Variants in KRT83 observed in about 807,000 individuals in gnomAD.
KRT83 encodes the protein keratin, type II cuticular Hb3.
Under a neutral mutation model 52.9 loss-of-function variants are expected in KRT83, and 51 were observed. The observed-to-expected ratio is 0.96, with a 90% CI of 0.77 to 1.22. KRT83 has a LOEUF of 1.22. Among genes scored for constraint, KRT83 ranks in the 50% most tolerant of loss-of-function variants. The pLI is 0.00. For synonymous variants in KRT83, 278 were observed against 274.1 expected (o/e 1.01, Z -0.14); for missense variants, 654 against 666.5 (o/e 0.98, Z 0.21).
In KRT83 at chr12:52,319,355, G is replaced by A. The variant is rs1938737090; in HGVS notation, c.394C>T (p.Leu132=). 1 of 1,614,016 alleles carries A rather than the reference G, an allele frequency of 6.2e-7. No homozygotes were observed. The highest frequency in any genetic ancestry group is 2.2e-5 in the East Asian group (1 of 44,886). The change falls in exon 2 of 9, where the codon CTG becomes TTG. Residue 132 remains leucine, a synonymous_variant. Transcript: ENST00000293670. ...FAAFIDKVRF[L]EQQNKLLETK... is the part of the protein sequence containing the mutation. ...TCCAGCAGCTTGTTCTGCTGCTCCA[G>A]GAAGCGCACCTGCCACCCAGAGGCA...
rs186532103 is a variant in KRT83, at chr12:52,314,587, G to A, written c.*44C>T. ...TCAGCTGGTGGTGGGGCAGTGGCAC[G>A]TCTGGCAGGCAGAAGGGGCTCCCCT... On this transcript the variant is annotated 3_prime_UTR_variant, in exon 9 of 9. Transcript: ENST00000293670. 6.3e-5 allele frequency: 97 copies of A among 1,528,384 alleles called. No homozygotes were observed. Among genetic ancestry groups the A allele is most frequent in the East Asian group, 2.2e-4 (9 of 40,934 alleles). 94.7% of individuals were successfully genotyped at this position (1,528,384 alleles called of 1,614,324 possible).
At chr12:52,317,620 G>C in intron 4 of KRT83, 61 bp downstream of exon 4, 8 of 1,564,330 alleles carry the variant, frequency 5.1e-6, no homozygotes, top group Non-Finnish European at 7.0e-6. Context: ...GTGGGTGTCT[G>C]GGCAGAGGGT....
chr12:52,320,968 G>A lies in KRT83; in HGVS notation c.368C>T (p.Ala123Val). 1.9e-6 allele frequency: 3 copies of A among 1,613,876 alleles called. No individual in the cohort carries two copies. The highest frequency in any genetic ancestry group is 1.7e-5 in the Admixed American group (1 of 60,030). Residue 123 changes from alanine to valine, a missense_variant, in exon 1 of 9, where the codon GCG (alanine) becomes GTG (valine). Ala to Val is a moderately conservative substitution (Grantham distance 64, BLOSUM62 0). Transcript: ENST00000293670. ...EQIKSLNSRF[A>V]AFIDKVRFLE... ...GACACCCACCTTGTCGATGAAGGCCGCGAATCTGCTGTTGAGGGACTTGAT... is the reference window on the plus strand; with the variant it reads ...GACACCCACCTTGTCGATGAAGGCCACGAATCTGCTGTTGAGGGACTTGAT...
chr12:52,321,146 AGGAGCC>A lies in KRT83; in HGVS notation c.184_189del (p.Gly62_Ser63del), dbSNP rs1196857480. The A allele has an allele frequency of 6.2e-7, 1 of 1,612,316 alleles. No homozygotes were observed. The highest frequency in any genetic ancestry group is 8.5e-7 in the Non-Finnish European group (1 of 1,179,764). On this transcript the variant is annotated inframe_deletion, in exon 1 of 9. Transcript: ENST00000293670. ...GAGCGGTAGCCGAAGCTGCGTCCGC[AGGAGCC>A]GGCGCGGAAGCCCCCGCACACGCTG...
At chr12:52,316,664 T>G in intron 5 of KRT83, 71 bp from the exon 6 acceptor site, 5 of 1,612,770 alleles carry the variant, frequency 3.1e-6, no homozygotes, top group South Asian at 1.1e-5. Flanking sequence ...CTCAGATGAT[T>G]GCACAGATTG....
chr12:52,314,432 G>T lies in KRT83; in HGVS notation c.*199C>A. 1.6e-6 allele frequency: 1 copy of T among 638,144 alleles called. No homozygotes were observed. Among genetic ancestry groups the T allele is most frequent in the Non-Finnish European group, 2.8e-6 (1 of 352,082 alleles). 39.5% of individuals were successfully genotyped at this position (638,144 alleles called of 1,614,324 possible). On this transcript the variant is annotated 3_prime_UTR_variant, in exon 9 of 9. Coordinates refer to ENST00000293670, the MANE Select transcript of KRT83 (RefSeq NM_002282.3). ...GGGCTGAAGGCTGAGACAGGGGAAG[G>T]AATGGGTCTATTCCCCAGCCACAGG...
In KRT83 at chr12:52,316,473, A is replaced by G; in HGVS notation, c.1036T>C (p.Cys346Arg). The stretch of plus-strand genomic sequence containing the variant: ...GGTGGGCCGGGCTCTGGTACCTGGC[A>G]CTTGGCATTCTCCACCTCGGCTGTC... ...RLTAEVENAKCQNSKLEAAVA... is the reference protein window; with the variant it reads ...RLTAEVENAKRQNSKLEAAVA... Residue 346 changes from cysteine to arginine, a missense_variant, in exon 6 of 9, where the codon TGC becomes CGC. Coordinates refer to ENST00000293670, the MANE Select transcript of KRT83 (RefSeq NM_002282.3). 1 of 1,614,078 alleles carries G rather than the reference A, an allele frequency of 6.2e-7. No homozygotes were observed. The highest frequency in any genetic ancestry group is 1.1e-5 in the South Asian group (1 of 91,070).
rs766108026 is a variant in KRT83 at position 52,321,257 on chromosome 12, G to GC, written c.78dup (p.Pro27AlafsTer129). On this transcript the variant is annotated frameshift_variant, in exon 1 of 9. Coordinates refer to ENST00000293670, the MANE Select transcript of KRT83 (RefSeq NM_002282.3). LOFTEE classifies it high-confidence loss of function. Reference sequence around the variant, plus strand: ...GCGGCGGTGATGCAGCAGCGGCTTGGCCGGGGCCCGCAGGCAGAGACACAG... The same window carrying GC: ...GCGGCGGTGATGCAGCAGCGGCTTGGCCCGGGGCCCGCAGGCAGAGACACAG... 88 of 1,613,412 alleles carry GC rather than the reference G, an allele frequency of 5.5e-5. 1 individual carries two copies. The South Asian group carries it at 6.4e-4, about 12-fold the overall frequency.
At chr12:52,317,117 C>T in intron 4 of KRT83, 94 bp from the exon 5 acceptor site, 1 of 1,511,792 alleles carries the variant, frequency 6.6e-7, no homozygotes, top group African/African-American at 1.4e-5. Context: ...CGGGAGTGAA[C>T]TTCTCATGTT....
rs1451152799 is a variant in KRT83, at chr12:52,317,907, C to T, written c.654+3G>A. 1.2e-6 allele frequency: 2 copies of T among 1,614,170 alleles called. No individual in the cohort carries two copies. Among genetic ancestry groups the T allele is most frequent in the South Asian group, 1.1e-5 (1 of 91,084 alleles). ...GGCTCAGGGCCAGCTGGGCTTCACT[C>T]ACCTTCTTTAGAGCCACAAACTCGT... is the stretch of plus-strand genomic sequence containing the variant. On this transcript the variant is annotated splice_donor_region_variant and intron_variant, in intron 3 of 8. Transcript: ENST00000293670.
chr12:52,315,947 C>A lies in KRT83; in HGVS notation c.1208G>T (p.Gly403Val), dbSNP rs747238036. Reference sequence around the variant, plus strand: ...GTAGGTGGCGATCTCGATATCCAGGCCTAGCTTGGAGTTCATCACCTCCTG... The same window carrying A: ...GTAGGTGGCGATCTCGATATCCAGGACTAGCTTGGAGTTCATCACCTCCTG... ...EYQEVMNSKL[G>V]LDIEIATYRR... Residue 403 changes from glycine (G) to valine (V), a missense_variant, in exon 7 of 9, where the codon GGC becomes GTC. Transcript: ENST00000293670. 26 of 1,612,930 alleles carry A rather than the reference C, an allele frequency of 1.6e-5. No homozygotes were observed. In the South Asian group the frequency reaches 2.9e-4, roughly 18 times the overall value.
In KRT83 at chr12:52,314,577, G is replaced by A; in HGVS notation, c.*54C>T. 6.8e-7 allele frequency: 1 copy of A among 1,480,164 alleles called. No homozygotes were observed. Among genetic ancestry groups the A allele is most frequent in the Non-Finnish European group, 9.2e-7 (1 of 1,083,446 alleles). 91.7% of individuals were successfully genotyped at this position (1,480,164 alleles called of 1,614,324 possible). On this transcript the variant is annotated 3_prime_UTR_variant, in exon 9 of 9. Coordinates refer to ENST00000293670, the MANE Select transcript of KRT83 (RefSeq NM_002282.3). Reference sequence around the variant, plus strand: ...GCTGCTGTTTTCAGCTGGTGGTGGGGCAGTGGCACGTCTGGCAGGCAGAAG... The same window carrying A: ...GCTGCTGTTTTCAGCTGGTGGTGGGACAGTGGCACGTCTGGCAGGCAGAAG...
chr12:52,314,757 C>T lies in KRT83; in HGVS notation c.1356G>A (p.Pro452=), dbSNP rs764238442. 2.1e-5 allele frequency: 33 copies of T among 1,601,806 alleles called. No individual in the cohort carries two copies. The highest frequency in any genetic ancestry group is 1.4e-4 in the Admixed American group (8 of 58,768). Residue 452 remains proline, a synonymous_variant, in exon 9 of 9, where the codon CCG becomes CCA. Transcript: ENST00000293670. ...CGDLCVSGSR[P]VTGSVCSAPC... ...GGGCACTGCAGACGCTGCCCGTCAC[C>T]GGCCGGGAGCCCGACACGCAGAGAT...
Position 52,321,195 on chromosome 12 carries a change from G to A in KRT83, c.141C>T (p.Thr47=). ...YRGISCYRGL[T]GGFGSHSVCG... Reference sequence around the variant, plus strand: ...ACACGCTGTGGCTGCCAAAGCCCCCGGTGAGGCCGCGGTAGCAGGAGATGC... The same window carrying A: ...ACACGCTGTGGCTGCCAAAGCCCCCAGTGAGGCCGCGGTAGCAGGAGATGC... Residue 47 remains threonine (T), a synonymous_variant, in exon 1 of 9, where the codon ACC becomes ACT. Transcript: ENST00000293670. The A allele has an allele frequency of 3.1e-6, 5 of 1,613,074 alleles. No homozygotes were observed. Among genetic ancestry groups the A allele is most frequent in the Non-Finnish European group, 4.2e-6 (5 of 1,179,520 alleles).
intron 8 of KRT83, 73 bp downstream of exon 8, chr12:52,315,239 C>A: frequency 6.9e-7 from 1 of 1,453,006 alleles, no homozygotes; most frequent in South Asian, 1.1e-5. Flanking sequence ...CCCAAAGTCT[C>A]TGCATATATT....
chr12:52,315,072 A>G (rs1159414369), intron 8 of KRT83, among the ~76,000 whole-genome samples: 2 of 152,122 alleles, frequency 1.3e-5, no homozygotes, highest in African/African-American at 4.8e-5. Flanking sequence ...AAGGTTATGA[A>G]TGACATCTGA....
intron 1 of KRT83, 46 bp downstream of exon 1, chr12:52,320,906 A>G: frequency 6.2e-7 from 1 of 1,613,644 alleles, no homozygotes; most frequent in Non-Finnish European, 8.5e-7. Context: ...TGAGTTCTGA[A>G]CATGAGTAGG....
chr12:52,317,108 G>T, intron 4 of KRT83, 85 bp from the exon 5 acceptor site: 5 of 1,558,546 alleles, frequency 3.2e-6, no homozygotes, highest in Non-Finnish European at 4.4e-6. Flanking sequence ...TTGGCTCATC[G>T]GGAGTGAACT....
chr12:52,316,259 A>G (rs1301561901), intron 6 of KRT83, 146 bp from the exon 7 acceptor site: 5 of 897,494 alleles, frequency 5.6e-6, no homozygotes, highest in African/African-American at 3.1e-5. Context: ...CCTCACTTAC[A>G]CTACACACAC....
Sources: allele counts gnomAD v4.1 joint callset (sites outside exome capture counted in the v4.1 genomes callset), GRCh38; gene constraint gnomAD v4.1.1; transcripts MANE v1.5; gene names NCBI Gene and HGNC (gene_info 2026-07-23, HGNC 2026-07-21).